The following TMEM132C variants were observed in gnomAD, a reference collection of about 807,000 sequenced individuals.
TMEM132C encodes protein phosphatase 1, regulatory subunit 152.
TMEM132C carries 29 observed loss-of-function variants against 61.4 expected under a neutral mutation model. The observed-to-expected ratio is 0.47, with a 90% confidence interval of 0.35 to 0.64. The LOEUF (loss-of-function observed/expected upper bound fraction) is 0.64, where lower values mean the gene tolerates loss of function less well. Among genes scored for constraint, TMEM132C ranks in the 30% least tolerant of loss-of-function variants. The probability of loss-of-function intolerance (pLI) is 0.00; values close to 1 mark genes in which losing one functional copy is unlikely to be tolerated. For synonymous variants in TMEM132C, 656 were observed against 633.1 expected (o/e 1.04, Z -0.54); for missense variants, 1,408 against 1,476.9 (o/e 0.95, Z 0.76).
intron 3 of TMEM132C, among the ~76,000 whole-genome samples, chr12:128,609,129 C>T (rs1239395448): frequency 6.6e-6 from 1 of 151,190 alleles, no homozygotes; most frequent in Non-Finnish European, 1.5e-5. Context: ...ACCTCCACCT[C>T]CCTGCAACAC....
Position 128,497,539 on chromosome 12 carries a change from C to T in TMEM132C, c.975-46418C>T, listed in dbSNP as rs56399893. ...TTAAGCCTCAGCAATGGCAGGCGCC[C>T]CTCCCCCAGCCTCGCTGCTGCCTTG... On this transcript the variant is annotated intron_variant, in intron 2 of 8. Coordinates refer to ENST00000435159, the MANE Select transcript of TMEM132C (RefSeq NM_001136103.3). 1.6e-3 allele frequency among the ~76,000 whole-genome samples: 240 copies of T among 152,314 alleles called. 1 individual carries two copies. The highest frequency in any genetic ancestry group is 2.0e-3 in the Non-Finnish European group (138 of 68,032).
rs528528766 is a variant in TMEM132C at position 128,661,082 on chromosome 12, G to T, written c.1306-8335G>T. Among the ~76,000 whole-genome samples, 5 of 152,286 alleles carry T rather than the reference G, an allele frequency of 3.3e-5. No homozygotes were observed. The East Asian group carries it at 9.7e-4, about 29-fold the overall frequency. On this transcript the variant is annotated intron_variant, in intron 4 of 8. Coordinates refer to ENST00000435159, the MANE Select transcript of TMEM132C (RefSeq NM_001136103.3). ...CACATAAATAGATAGACAGATGATT[G>T]ATAGGCTAGATAGATAGACAGATAT... is the stretch of plus-strand genomic sequence containing the variant.
At chr12:128,303,052 A>T (rs1871646892) in intron 1 of TMEM132C, among the ~76,000 whole-genome samples, 1 of 152,190 alleles carries the variant, frequency 6.6e-6, no homozygotes, top group African/African-American at 2.4e-5. Flanking sequence ...GGGGAAAATC[A>T]AAGAGGACGA....
intron 1 of TMEM132C, among the ~76,000 whole-genome samples, chr12:128,383,353 A>G (rs945497364): frequency 6.6e-6 from 1 of 152,150 alleles, no homozygotes; most frequent in Non-Finnish European, 1.5e-5. Context: ...CCGTTGGCCA[A>G]TTCACTTCCA....
chr12:128,591,073 G>A (rs779065366), intron 3 of TMEM132C, among the ~76,000 whole-genome samples: 2 of 152,206 alleles, frequency 1.3e-5, no homozygotes, highest in Non-Finnish European at 2.9e-5. Flanking sequence ...ATGAGCCACT[G>A]CAGCCACGCT....
At chr12:128,594,893 C>T (rs1042019350) in intron 3 of TMEM132C, among the ~76,000 whole-genome samples, 3 of 152,196 alleles carry the variant, frequency 2.0e-5, no homozygotes, top group Non-Finnish European at 4.4e-5. Flanking sequence ...GAGGTCCCCT[C>T]GGATTGCTTC....
At chr12:128,446,432 T>G (rs1317256539) in intron 2 of TMEM132C, among the ~76,000 whole-genome samples, 1 of 152,228 alleles carries the variant, frequency 6.6e-6, no homozygotes, top group Non-Finnish European at 1.5e-5. Flanking sequence ...CGTAAGAAAG[T>G]CTAACTCCTG....
chr12:128,314,195 C>A (rs1398881241), intron 1 of TMEM132C, among the ~76,000 whole-genome samples: 1 of 152,110 alleles, frequency 6.6e-6, no homozygotes, highest in South Asian at 2.1e-4. Flanking sequence ...ATTGTTGGAG[C>A]CAAAAATATC....
Position 128,542,689 on chromosome 12 carries a change from A to G in TMEM132C, c.975-1268A>G, listed in dbSNP as rs183826824. Among the ~76,000 whole-genome samples, 20 of 150,426 alleles carry G rather than the reference A, an allele frequency of 1.3e-4. No homozygotes were observed. The East Asian group carries it at 2.9e-3, about 22-fold the overall frequency. On this transcript the variant is annotated intron_variant, in intron 2 of 8. Transcript: ENST00000435159. ...ATCCTGGCCAGCATGGTGAAACCCA[A>G]TCTCTACTAAAATACAAAAAAAGTA...
intron 8 of TMEM132C, among the ~76,000 whole-genome samples, chr12:128,698,314 A>G (rs1319213952): frequency 1.3e-5 from 2 of 152,234 alleles, no homozygotes; most frequent in Non-Finnish European, 2.9e-5. Flanking sequence ...TAACACAGCC[A>G]GGATGGGCTC....
chr12:128,435,336 A>G (rs1433182540), intron 2 of TMEM132C, among the ~76,000 whole-genome samples: 1 of 152,170 alleles, frequency 6.6e-6, no homozygotes, highest in Non-Finnish European at 1.5e-5. Context: ...TGGTGTTTCA[A>G]TTAGGAAAAG....
chr12:128,316,529 A>G (rs1565899168), intron 1 of TMEM132C, among the ~76,000 whole-genome samples: 2 of 152,180 alleles, frequency 1.3e-5, no homozygotes, highest in African/African-American at 4.8e-5. Flanking sequence ...TTTGGTGGAA[A>G]CCAGGCTTTG....
intron 3 of TMEM132C, among the ~76,000 whole-genome samples, chr12:128,549,036 T>C (rs1014163301): frequency 1.3e-5 from 2 of 152,112 alleles, no homozygotes; most frequent in African/African-American, 4.8e-5. Context: ...CTGTCCAAGC[T>C]TTGCTCTCAT....
At chr12:128,334,383 C>A (rs2135948034) in intron 1 of TMEM132C, among the ~76,000 whole-genome samples, 1 of 152,308 alleles carries the variant, frequency 6.6e-6, no homozygotes, top group Non-Finnish European at 1.5e-5. Flanking sequence ...CGTGTGCATT[C>A]TCATTCCTCA....
In TMEM132C at chr12:128,659,991, G is replaced by A. The variant is rs370757588; in HGVS notation, c.1306-9426G>A. On this transcript the variant is annotated intron_variant, in intron 4 of 8. Coordinates refer to ENST00000435159, the MANE Select transcript of TMEM132C (RefSeq NM_001136103.3). ...CGCGCTGCTGGCTTTGTGAATTTGA[G>A]TGAGTTAGTTGGCATTCTTGACGTC... Among the ~76,000 whole-genome samples the A allele has an allele frequency of 4.6e-5, 7 of 152,358 alleles. No homozygotes were observed. The East Asian group carries it at 1.2e-3, about 25-fold the overall frequency.
chr12:128,573,675 G>A (rs1271851378), intron 3 of TMEM132C, among the ~76,000 whole-genome samples: 1 of 151,786 alleles, frequency 6.6e-6, no homozygotes, highest in Admixed American at 6.6e-5. Flanking sequence ...ACAGAAAGTA[G>A]AATGGTGGAT....
intron 2 of TMEM132C, among the ~76,000 whole-genome samples, chr12:128,484,240 T>C (rs1004882668): frequency 6.6e-6 from 1 of 152,210 alleles, no homozygotes; most frequent in Admixed American, 6.5e-5. Flanking sequence ...TGCTTTCATC[T>C]TGAAAAGCAG....
chr12:128,628,351 C>T (rs975960837), intron 4 of TMEM132C, among the ~76,000 whole-genome samples: 2 of 152,200 alleles, frequency 1.3e-5, no homozygotes, highest in Non-Finnish European at 2.9e-5. Flanking sequence ...CCCTCCCATG[C>T]GCTCTGCCCT....
chr12:128,457,523 C>T (rs1223829721), intron 2 of TMEM132C, among the ~76,000 whole-genome samples: 4 of 151,012 alleles, frequency 2.6e-5, no homozygotes. Context: ...TTGCAGTGAG[C>T]CGAGATCGCG....
Sources: allele counts gnomAD v4.1 joint callset (sites outside exome capture counted in the v4.1 genomes callset), GRCh38; gene constraint gnomAD v4.1.1; transcripts MANE v1.5; gene names NCBI Gene and HGNC (gene_info 2026-07-23, HGNC 2026-07-21).